BNC2: variants seen among roughly 807,000 people sequenced by gnomAD.
BNC2 encodes zinc finger protein basonuclin-2.
Under a neutral mutation model 76.3 loss-of-function variants are expected in BNC2, and 20 were observed. The ratio of observed to expected loss-of-function variants is 0.26; its 90% CI spans 0.18 to 0.38. The LOEUF (loss-of-function observed/expected upper bound fraction) is 0.38. BNC2 is among the 10% of genes least tolerant of loss of function. The pLI, the probability that BNC2 is intolerant of heterozygous loss-of-function variation, is 1.00. For synonymous variants in BNC2, 582 were observed against 514.8 expected, an observed-to-expected ratio of 1.13 and a Z score of -1.77; for missense variants, 1,382 against 1,399.8, an observed-to-expected ratio of 0.99 and a Z score of 0.20.
At chr9:16,855,923 C>T (rs4327939) in intron 1 of BNC2, among the ~76,000 whole-genome samples, 147,761 of 152,178 alleles carry the variant, frequency 0.97, 71,859 homozygotes, top group Middle Eastern at 1. Context: ...CAAGTTATTC[C>T]ATATATAGTA....
intron 3 of BNC2, among the ~76,000 whole-genome samples, chr9:16,687,443 T>A (rs962275388): frequency 4.6e-5 from 7 of 152,274 alleles, no homozygotes; most frequent in Admixed American, 1.3e-4. Flanking sequence ...GCACTGTGCA[T>A]TTGTGTTGTG....
At chr9:16,794,517 A>T (rs879411610) in intron 1 of BNC2, among the ~76,000 whole-genome samples, 2 of 152,198 alleles carry the variant, frequency 1.3e-5, no homozygotes, top group East Asian at 3.9e-4. Context: ...GATCCGTATG[A>T]CAACTGTAAA....
At chr9:16,428,116 C>CAA (rs1400685062) in intron 6 of BNC2, among the ~76,000 whole-genome samples, 1 of 152,014 alleles carries the variant, frequency 6.6e-6, no homozygotes, top group Non-Finnish European at 1.5e-5. Flanking sequence ...ATAAAAAAGA[C>CAA]AGACTGCTGA....
intron 1 of BNC2, among the ~76,000 whole-genome samples, chr9:16,820,444 A>C (rs1278164941): frequency 6.6e-6 from 1 of 152,150 alleles, no homozygotes; most frequent in Non-Finnish European, 1.5e-5. Context: ...AAAAGCAATA[A>C]TAAGGCCCAG....
intron 1 of BNC2, among the ~76,000 whole-genome samples, chr9:16,812,501 C>T: frequency 6.6e-6 from 1 of 152,224 alleles, no homozygotes; most frequent in Admixed American, 6.5e-5. Flanking sequence ...CCTCACCTGC[C>T]TGCAGTTTGT....
chr9:16,570,018 A>C (rs1053284264), intron 4 of BNC2, among the ~76,000 whole-genome samples: 1 of 152,192 alleles, frequency 6.6e-6, no homozygotes, highest in African/African-American at 2.4e-5. Flanking sequence ...AACTATGTAC[A>C]TCCTTTTATT....
In BNC2 at chr9:16,656,716, C is replaced by G. The variant is rs1019874307; in HGVS notation, c.330+71081G>C. ...CTTAACATGAGAAGTACTGTCTTAA[C>G]AAATTTCTAGATGCACAATATCATA... On this transcript the variant is annotated intron_variant, in intron 3 of 6. Transcript: ENST00000380672. Among the ~76,000 whole-genome samples, 3 of 152,124 alleles carry G rather than the reference C, an allele frequency of 2.0e-5. No individual in the cohort carries two copies. In the East Asian group the frequency reaches 5.8e-4, roughly 29 times the overall value.
intron 5 of BNC2, among the ~76,000 whole-genome samples, chr9:16,467,374 C>G (rs976107942): frequency 6.6e-6 from 1 of 150,452 alleles, no homozygotes; most frequent in Non-Finnish European, 1.5e-5. Flanking sequence ...TATAGAGACA[C>G]AGGCACACGT....
intron 3 of BNC2, among the ~76,000 whole-genome samples, chr9:16,616,820 A>AAAGGAAGG (rs1554689414): frequency 7.7e-6 from 1 of 129,046 alleles, no homozygotes; most frequent in Non-Finnish European, 1.6e-5. Context: ...AGGAAGGAAG[A>AAAGGAAGG]AAGGAAGGAA....
intron 1 of BNC2, among the ~76,000 whole-genome samples, chr9:16,750,581 G>C (rs928893437): frequency 3.9e-5 from 6 of 152,224 alleles, no homozygotes; most frequent in South Asian, 2.1e-4. Flanking sequence ...GCAAATGCAA[G>C]AGATCTCTCA....
At chr9:16,476,030 T>A (rs535746839) in intron 5 of BNC2, 15 of 152,220 alleles carry the variant, frequency 9.9e-5, no homozygotes, top group African/African-American at 3.6e-4. Context: ...TCCTATCAAC[T>A]CCCTACCCAG....
intron 3 of BNC2, among the ~76,000 whole-genome samples, chr9:16,624,686 T>C (rs1820945424): frequency 6.6e-6 from 1 of 152,224 alleles, no homozygotes; most frequent in African/African-American, 2.4e-5. Flanking sequence ...ACATCAGTGG[T>C]ATTAAAAGCA....
At chr9:16,474,987 C>T (rs10810567) in intron 5 of BNC2, among the ~76,000 whole-genome samples, 25,726 of 152,054 alleles carry the variant, frequency 0.17, 2,299 homozygotes, top group African/African-American at 0.22. Flanking sequence ...ACCTGGACAG[C>T]TGGAAATGCC....
intron 5 of BNC2, among the ~76,000 whole-genome samples, chr9:16,532,108 G>C (rs937836782): frequency 4.0e-5 from 6 of 150,192 alleles, no homozygotes; most frequent in Non-Finnish European, 8.9e-5. Context: ...ATATCCTGTT[G>C]AGTAAAACTA....
intron 1 of BNC2, among the ~76,000 whole-genome samples, chr9:16,764,080 T>A (rs1188842400): frequency 6.6e-6 from 1 of 152,190 alleles, no homozygotes; most frequent in Non-Finnish European, 1.5e-5. Context: ...AAAGTTAACA[T>A]TGCTCTCTCT....
chr9:16,609,917 A>G (rs996826331), intron 3 of BNC2, among the ~76,000 whole-genome samples: 2 of 152,138 alleles, frequency 1.3e-5, no homozygotes, highest in Non-Finnish European at 2.9e-5. Context: ...CAATAGAAGA[A>G]ACAGGTTTGG....
chr9:16,662,452 C>T (rs765836020), intron 3 of BNC2, among the ~76,000 whole-genome samples: 9 of 152,114 alleles, frequency 5.9e-5, no homozygotes, highest in Non-Finnish European at 1.0e-4. Flanking sequence ...AGAAAATACC[C>T]GGGCTGAGCG....
intron 3 of BNC2, among the ~76,000 whole-genome samples, chr9:16,616,599 T>C (rs555437542): frequency 1.3e-3 from 197 of 148,666 alleles, no homozygotes; most frequent in African/African-American, 4.8e-3. Flanking sequence ...GGCAGGAGAA[T>C]CTCTACTTGA....
intron 5 of BNC2, among the ~76,000 whole-genome samples, chr9:16,449,657 A>G (rs1160072350): frequency 6.6e-6 from 1 of 152,224 alleles, no homozygotes; most frequent in Non-Finnish European, 1.5e-5. Flanking sequence ...TACTTCTGAA[A>G]TAAAAATAAA....
Sources: gnomAD v4.1 joint callset for allele counts (sites outside exome capture counted in the v4.1 genomes callset) on GRCh38, gnomAD v4.1.1 for gene constraint, MANE v1.5 for transcripts, NCBI Gene and HGNC (gene_info 2026-07-23, HGNC 2026-07-21) for gene names.